DPY19L1: variants seen among roughly 807,000 people sequenced by gnomAD.
DPY19L1 encodes the protein protein C-mannosyl-transferase DPY19L1.
Under a neutral mutation model 96.9 loss-of-function variants are expected in DPY19L1, and 35 were observed. The observed-to-expected ratio is 0.36, with a 90% CI of 0.28 to 0.48. The LOEUF (loss-of-function observed/expected upper bound fraction) is 0.48. Ranked by LOEUF, DPY19L1 falls within the 20% of genes least tolerant of loss-of-function variation. DPY19L1 has a pLI of 0.99. For synonymous variants in DPY19L1, 205 were observed against 252.6 expected, an observed-to-expected ratio of 0.81 and a Z score of 1.79; for missense variants, 521 against 777.9, an observed-to-expected ratio of 0.67 and a Z score of 3.93.
intron 19 of DPY19L1, among the ~76,000 whole-genome samples, chr7:34,939,903 A>T (rs1251551114): frequency 6.6e-6 from 1 of 152,222 alleles, no homozygotes; most frequent in Non-Finnish European, 1.5e-5. Flanking sequence ...ACTGTGAATA[A>T]ATTTTGAAAA....
At position 34,930,189 on chromosome 7, in the gene DPY19L1, G is replaced by A. The variant is rs1175612844; in HGVS notation, c.*1384C>T. 2 of 152,208 alleles carry A rather than the reference G, an allele frequency of 1.3e-5. No individual in the cohort carries two copies. Among genetic ancestry groups the A allele is most frequent in the Admixed American group, 6.5e-5 (1 of 15,276 alleles). 9.4% of individuals were successfully genotyped at this position (152,208 alleles called of 1,614,324 possible). ...AGAAAGAGAAGCTGTATAATTAAAT[G>A]TGTAGTCTGTCAGCCATAGTCACGC... On this transcript the variant is annotated 3_prime_UTR_variant, in exon 22 of 22. Transcript: ENST00000638088.
intron 20 of DPY19L1, chr7:34,939,071 CA>C (rs745789026): frequency 6.5e-6 from 3 of 460,926 alleles, no homozygotes; most frequent in Non-Finnish European, 7.6e-6. Flanking sequence ...AGAGAGCCCC[CA>C]AAGTTGTCAC....
In DPY19L1 at chr7:34,973,606, C is replaced by G; in HGVS notation, c.823-1G>C. Reference sequence around the variant, plus strand: ...GTGGTGTCCACATTACACGGGTACACTGAAAAAAAAAATTTGTAGTATAGT... The same window carrying G: ...GTGGTGTCCACATTACACGGGTACAGTGAAAAAAAAAATTTGTAGTATAGT... On this transcript the variant is annotated splice_acceptor_variant, in intron 7 of 21. Transcript: ENST00000638088. LOFTEE classifies it high-confidence loss of function. The G allele has an allele frequency of 7.0e-7, 1 of 1,432,150 alleles. No homozygotes were observed. The highest frequency in any genetic ancestry group is 9.2e-7 in the Non-Finnish European group (1 of 1,088,286). 88.7% of individuals were successfully genotyped at this position (1,432,150 alleles called of 1,614,324 possible). A position where few individuals can be genotyped will look rare whatever the true frequency, so the allele number is the denominator to read the frequency against.
chr7:34,981,581 C>T (rs1784940302), intron 7 of DPY19L1, among the ~76,000 whole-genome samples: 1 of 152,182 alleles, frequency 6.6e-6, no homozygotes, highest in Non-Finnish European at 1.5e-5. Flanking sequence ...AATAACAGGA[C>T]AAATTGGTTT....
intron 1 of DPY19L1, among the ~76,000 whole-genome samples, chr7:35,020,747 C>T (rs1399245831): frequency 6.6e-6 from 1 of 152,164 alleles, no homozygotes. Context: ...CTTGCTCTGT[C>T]ACCCAGGCTG....
intron 7 of DPY19L1, chr7:34,988,156 A>C (rs572280946): frequency 6.6e-6 from 1 of 152,258 alleles, no homozygotes; most frequent in East Asian, 1.9e-4. Flanking sequence ...AAGAAAACGT[A>C]AGACGAAGAA....
chr7:34,958,885 T>A (rs534114024), intron 10 of DPY19L1, among the ~76,000 whole-genome samples: 2 of 152,306 alleles, frequency 1.3e-5, no homozygotes, highest in South Asian at 4.1e-4. Flanking sequence ...TGTTGTCTTG[T>A]GTGTATGTGT....
intron 1 of DPY19L1, among the ~76,000 whole-genome samples, chr7:35,019,867 G>C (rs1246940056): frequency 1.3e-5 from 2 of 151,656 alleles, no homozygotes; most frequent in East Asian, 3.9e-4. Context: ...TTTAGTTTCT[G>C]TCTTTAAAAA....
At chr7:34,992,005 T>A (rs968835800) in intron 6 of DPY19L1, among the ~76,000 whole-genome samples, 40 of 152,216 alleles carry the variant, frequency 2.6e-4, no homozygotes, top group African/African-American at 9.6e-4. Context: ...CTCGTACATG[T>A]AAATGCTGGC....
At chr7:34,979,189 C>T (rs1376084855) in intron 7 of DPY19L1, among the ~76,000 whole-genome samples, 1 of 152,050 alleles carries the variant, frequency 6.6e-6, no homozygotes, top group Non-Finnish European at 1.5e-5. Context: ...ATGTTTCCAT[C>T]CATTGTTGCA....
At chr7:35,029,997 G>C (rs543263885) in intron 1 of DPY19L1, among the ~76,000 whole-genome samples, 1 of 152,310 alleles carries the variant, frequency 6.6e-6, no homozygotes, top group African/African-American at 2.4e-5. Flanking sequence ...AAAATTCTAA[G>C]AGGGTAACCT....
chr7:34,984,917 T>C (rs1485380073), intron 7 of DPY19L1, among the ~76,000 whole-genome samples: 1 of 152,180 alleles, frequency 6.6e-6, no homozygotes, highest in African/African-American at 2.4e-5. Context: ...AGGTAGAAGA[T>C]TATCCCACTT....
intron 3 of DPY19L1, among the ~76,000 whole-genome samples, chr7:35,016,307 A>C (rs938123861): frequency 2.6e-5 from 4 of 152,240 alleles, no homozygotes; most frequent in Admixed American, 6.5e-5. Context: ...AAGACAGGAA[A>C]GTTTACAAAA....
rs572364418 is a variant in DPY19L1, at chr7:34,932,656, C to T, written c.2091-927G>A. The stretch of plus-strand genomic sequence containing the variant: ...TAAACACATAATTAAATCTCAAAAG[C>T]AACATATCTTTATAAATTGGCATAT... On this transcript the variant is annotated intron_variant, in intron 21 of 21. Coordinates refer to ENST00000638088, the MANE Select transcript of DPY19L1 (RefSeq NM_001366673.1). 8.4e-4 allele frequency among the ~76,000 whole-genome samples: 128 copies of T among 152,242 alleles called. 1 individual carries two copies. The highest frequency in any genetic ancestry group is 7.5e-3 in the South Asian group (36 of 4,820).
rs1361717647 is a variant in DPY19L1, at chr7:34,940,061, G to A, written c.1864+92C>T. ...CATAGAAAGAGTGAGATCAGTGGAAGTAACTAGGGTTTAAGAGTTTGCAGT... is the reference window on the plus strand; with the variant it reads ...CATAGAAAGAGTGAGATCAGTGGAAATAACTAGGGTTTAAGAGTTTGCAGT... On this transcript the variant is annotated intron_variant, in intron 19 of 21. Transcript: ENST00000638088. 9.6e-6 allele frequency: 11 copies of A among 1,140,534 alleles called. No individual in the cohort carries two copies. The Admixed American group carries it at 2.9e-4, about 31-fold the overall frequency. The allele number at this position is 1,140,534 out of a possible 1,614,324, so 70.7% of individuals were successfully genotyped here. A position where few individuals can be genotyped will look rare whatever the true frequency, so the allele number is the denominator to read the frequency against.
chr7:35,018,979 T>A (rs921160026), intron 1 of DPY19L1, among the ~76,000 whole-genome samples: 1 of 152,138 alleles, frequency 6.6e-6, no homozygotes, highest in African/African-American at 2.4e-5. Context: ...AAAAGGGAAC[T>A]ACCACTTCTG....
chr7:35,037,747 C>T (rs976769164), upstream of DPY19L1: 5 of 1,022,356 alleles, frequency 4.9e-6, no homozygotes, highest in African/African-American at 3.4e-5. Context: ...GCGCTCCAGG[C>T]CGGCCAGCGC....
chr7:35,024,733 A>G (rs1264919324), intron 1 of DPY19L1, among the ~76,000 whole-genome samples: 1 of 152,186 alleles, frequency 6.6e-6, no homozygotes, highest in Non-Finnish European at 1.5e-5. Context: ...AAATCAAAAG[A>G]CTTCAAATGT....
At chr7:34,948,809 C>G (rs1248053258) in intron 14 of DPY19L1, among the ~76,000 whole-genome samples, 1 of 152,248 alleles carries the variant, frequency 6.6e-6, no homozygotes, top group Admixed American at 6.5e-5. Context: ...TTGTCAGCCA[C>G]TGTGTGTCAA....
Sources: gnomAD v4.1 joint callset for allele counts (sites outside exome capture counted in the v4.1 genomes callset) on GRCh38, gnomAD v4.1.1 for gene constraint, MANE v1.5 for transcripts, NCBI Gene and HGNC (gene_info 2026-07-23, HGNC 2026-07-21) for gene names.